Variants in RIMS2 observed in about 807,000 individuals in gnomAD.
The protein encoded by RIMS2 is regulating synaptic membrane exocytosis protein 2.
RIMS2 carries 59 observed loss-of-function variants against 174.4 expected under a neutral mutation model. The observed-to-expected ratio is 0.34, with a 90% confidence interval of 0.27 to 0.42. The LOEUF (loss-of-function observed/expected upper bound fraction) is 0.42, where lower values mean the gene tolerates loss of function less well. Among genes scored for constraint, RIMS2 ranks in the 10% least tolerant of loss-of-function variants. RIMS2 has a pLI of 1.00. For missense variants in RIMS2, 1,620 were observed against 1,666.3 expected (o/e 0.97, Z 0.48); for synonymous variants, 606 against 572.5 (o/e 1.06, Z -0.84).
chr8:104,216,975 T>C (rs1314244502), intron 19 of RIMS2, among the ~76,000 whole-genome samples: 1 of 152,204 alleles, frequency 6.6e-6, no homozygotes, highest in Non-Finnish European at 1.5e-5. Flanking sequence ...TGTGAAGAAC[T>C]AAAGTAACCT....
intron 1 of RIMS2, among the ~76,000 whole-genome samples, chr8:103,645,797 T>C (rs2096315470): frequency 6.6e-6 from 1 of 152,040 alleles, no homozygotes; most frequent in South Asian, 2.1e-4. Context: ...AATAGGTCTG[T>C]AGAAGGAATA....
chr8:103,656,435 G>C (rs893924618), intron 1 of RIMS2, among the ~76,000 whole-genome samples: 1 of 152,092 alleles, frequency 6.6e-6, no homozygotes, highest in African/African-American at 2.4e-5. Flanking sequence ...ATAAAGAGCA[G>C]ACACAAAGAT....
At chr8:104,101,285 C>T (rs893016062) in intron 19 of RIMS2, among the ~76,000 whole-genome samples, 4 of 151,536 alleles carry the variant, frequency 2.6e-5, no homozygotes, top group African/African-American at 9.7e-5. Context: ...TGCCACCATG[C>T]CCAGCCAATT....
At chr8:103,925,575 C>T (rs186254065) in intron 10 of RIMS2, among the ~76,000 whole-genome samples, 39 of 151,572 alleles carry the variant, frequency 2.6e-4, no homozygotes, top group Admixed American at 2.6e-3. Context: ...TTGTGGGGTA[C>T]AAATTCAGAT....
chr8:103,966,941 AT>A (rs2091980103), intron 15 of RIMS2, among the ~76,000 whole-genome samples: 1 of 151,704 alleles, frequency 6.6e-6, no homozygotes, highest in East Asian at 1.9e-4. Flanking sequence ...ATTTATTTTC[AT>A]TGTGGACTCA....
chr8:104,202,643 A>G (rs1224409477), intron 19 of RIMS2, among the ~76,000 whole-genome samples: 2 of 152,302 alleles, frequency 1.3e-5, no homozygotes, highest in African/African-American at 2.4e-5. Flanking sequence ...ACCTCTTCAC[A>G]TGGCCTTTCC....
intron 1 of RIMS2, among the ~76,000 whole-genome samples, chr8:103,617,385 T>A (rs890535147): frequency 6.6e-6 from 1 of 152,138 alleles, no homozygotes; most frequent in African/African-American, 2.4e-5. Context: ...GACTTAAATG[T>A]GAAACCCAAA....
At chr8:103,794,009 AAGGT>A (rs1474779659) in intron 3 of RIMS2, among the ~76,000 whole-genome samples, 5 of 152,214 alleles carry the variant, frequency 3.3e-5, no homozygotes, top group Non-Finnish European at 7.3e-5. Flanking sequence ...CATACTGCCC[AAGGT>A]AATTTATAGA....
intron 19 of RIMS2, among the ~76,000 whole-genome samples, chr8:104,071,455 G>A (rs891198620): frequency 1.1e-4 from 17 of 152,114 alleles, no homozygotes; most frequent in African/African-American, 3.9e-4. Flanking sequence ...TTGTTTTTGA[G>A]ACAGAGTCTT....
At chr8:103,904,427 T>C (rs1228954488) in intron 4 of RIMS2, among the ~76,000 whole-genome samples, 1 of 152,126 alleles carries the variant, frequency 6.6e-6, no homozygotes, top group African/African-American at 2.4e-5. Flanking sequence ...TCATTAAGTA[T>C]GATCTTAGCT....
At chr8:104,191,563 GA>G (rs1255904870) in intron 19 of RIMS2, among the ~76,000 whole-genome samples, 1 of 152,064 alleles carries the variant, frequency 6.6e-6, no homozygotes, top group African/African-American at 2.4e-5. Context: ...AACATGATTA[GA>G]AAGCCAAAAG....
At chr8:104,176,985 G>A (rs957271764) in intron 19 of RIMS2, among the ~76,000 whole-genome samples, 5 of 151,962 alleles carry the variant, frequency 3.3e-5, no homozygotes, top group African/African-American at 7.2e-5. Context: ...ATTGAAATAC[G>A]GAAGGTCAGC....
intron 1 of RIMS2, among the ~76,000 whole-genome samples, chr8:103,585,109 G>T (rs1030321997): frequency 2.0e-5 from 3 of 152,128 alleles, no homozygotes; most frequent in African/African-American, 7.2e-5. Context: ...CTCAAAAGAA[G>T]ACATTTATGC....
chr8:104,114,051 A>C (rs976778975), intron 19 of RIMS2, among the ~76,000 whole-genome samples: 1 of 152,032 alleles, frequency 6.6e-6, no homozygotes, highest in African/African-American at 2.4e-5. Flanking sequence ...TTAGATAATT[A>C]AAGACCTGAA....
intron 19 of RIMS2, among the ~76,000 whole-genome samples, chr8:104,222,879 G>C (rs924032452): frequency 1.3e-5 from 2 of 152,092 alleles, no homozygotes; most frequent in Admixed American, 1.3e-4. Flanking sequence ...GGTGTTTATC[G>C]GTTCTTGGTT....
chr8:104,225,819 A>T (rs1465164813), intron 19 of RIMS2, among the ~76,000 whole-genome samples: 1 of 152,190 alleles, frequency 6.6e-6, no homozygotes, highest in Non-Finnish European at 1.5e-5. Flanking sequence ...TCTACTAGTA[A>T]CTAGAGAGGA....
chr8:103,852,001 T>G (rs1463263062), intron 3 of RIMS2, among the ~76,000 whole-genome samples: 1 of 151,982 alleles, frequency 6.6e-6, no homozygotes. Flanking sequence ...GATGGGCATT[T>G]AGACCAATCC....
chr8:104,175,466 TCA>T (rs1283355691), intron 19 of RIMS2, among the ~76,000 whole-genome samples: 1 of 152,190 alleles, frequency 6.6e-6, no homozygotes, highest in Non-Finnish European at 1.5e-5. Context: ...CAAATTATAC[TCA>T]GTTATTTTAA....
intron 2 of RIMS2, among the ~76,000 whole-genome samples, chr8:103,731,224 C>A (rs1262699364): frequency 2.0e-5 from 3 of 152,158 alleles, no homozygotes; most frequent in Non-Finnish European, 1.5e-5. Context: ...ACAGTGGATG[C>A]ACTGTTCAAG....
Sources: allele counts gnomAD v4.1 joint callset (sites outside exome capture counted in the v4.1 genomes callset), GRCh38; gene constraint gnomAD v4.1.1; transcripts MANE v1.5; gene names NCBI Gene and HGNC (gene_info 2026-07-23, HGNC 2026-07-21).